ELFN1: variants seen among roughly 807,000 people sequenced by gnomAD.
ELFN1 encodes the protein protein ELFN1.
Under a neutral mutation model 7.6 loss-of-function variants are expected in ELFN1, and 6 were observed. The observed-to-expected ratio is 0.79, with a 90% CI of 0.43 to 1.56. The LOEUF is 1.56. Ranked by LOEUF, ELFN1 falls within the 40% of genes most tolerant of loss-of-function variation. The probability of loss-of-function intolerance (pLI) is 0.01; values close to 1 mark genes in which losing one functional copy is unlikely to be tolerated. For missense variants in ELFN1, 1,169 were observed against 1,232.2 expected, an observed-to-expected ratio of 0.95 and a Z score of 0.77; for synonymous variants, 657 against 588.1, an observed-to-expected ratio of 1.12 and a Z score of -1.70.
intron 2 of ELFN1, among the ~76,000 whole-genome samples, chr7:1,690,935 G>A (rs1779149024): frequency 1.3e-5 from 2 of 152,148 alleles, no homozygotes; most frequent in South Asian, 4.1e-4. Context: ...AATGATGATG[G>A]AAGTAGATAA....
intron 3 of ELFN1, among the ~76,000 whole-genome samples, chr7:1,731,062 G>A (rs917971839): frequency 3.9e-5 from 6 of 152,012 alleles, no homozygotes; most frequent in African/African-American, 7.3e-5. Context: ...CACTTACAAC[G>A]GCACCAATAA....
At position 1,746,579 on chromosome 7, in the gene ELFN1, G is replaced by A; in HGVS notation, c.1983G>A (p.Lys661=). 7.4e-7 allele frequency: 1 copy of A among 1,347,586 alleles called. No homozygotes were observed. Among genetic ancestry groups the A allele is most frequent in the South Asian group, 1.7e-5 (1 of 57,836 alleles). 83.5% of individuals were successfully genotyped at this position (1,347,586 alleles called of 1,614,324 possible). The change falls in exon 4 of 4, where the codon AAG becomes AAA. Residue 661 remains lysine (K), a synonymous_variant. Transcript: ENST00000424383. ...AFRAEAVGVH[K]AAAAEAKYIE... The stretch of plus-strand genomic sequence containing the variant: ...GAGCCGAGGCCGTCGGGGTGCACAA[G>A]GCCGCGGCCGCCGAGGCCAAGTACA...
At chr7:1,669,862 T>G, upstream of ELFN1, among the ~76,000 whole-genome samples, 3 of 124,382 alleles carry the variant, frequency 2.4e-5, no homozygotes, top group South Asian at 8.2e-4. Context: ...TCGCCCCCAC[T>G]CCCCCCACCC....
chr7:1,709,681 G>T (rs765476786), intron 3 of ELFN1, among the ~76,000 whole-genome samples: 1 of 152,270 alleles, frequency 6.6e-6, no homozygotes, highest in Non-Finnish European at 1.5e-5. Context: ...CATAGGTCAC[G>T]TAGGTTAATA....
At chr7:1,696,994 C>T (rs1779329210) in intron 2 of ELFN1, among the ~76,000 whole-genome samples, 1 of 152,228 alleles carries the variant, frequency 6.6e-6, no homozygotes, top group Non-Finnish European at 1.5e-5. Flanking sequence ...GTGGGGCAGG[C>T]TGGGAGGCTT....
chr7:1,685,710 C>T (rs1779050324), intron 1 of ELFN1, among the ~76,000 whole-genome samples: 1 of 150,834 alleles, frequency 6.6e-6, no homozygotes, highest in Admixed American at 6.6e-5. Context: ...TCCTTTTCTT[C>T]AATTCTTTAC....
chr7:1,672,079 T>C (rs1010167985), intron 1 of ELFN1, among the ~76,000 whole-genome samples: 2 of 152,104 alleles, frequency 1.3e-5, no homozygotes, highest in African/African-American at 4.8e-5. Flanking sequence ...GCAGGACTGC[T>C]GTGTGCGTAT....
chr7:1,745,993 T>A lies in ELFN1; in HGVS notation c.1397T>A (p.Ile466Asn). ...AAAAGSLKKTIIELKYGPELE... is the reference protein window; with the variant it reads ...AAAAGSLKKTNIELKYGPELE... The stretch of plus-strand genomic sequence containing the variant: ...GCAGCTGGCAGCCTCAAGAAGACCA[T>A]CATCGAGCTCAAGTACGGGCCAGAG... The change falls in exon 4 of 4, where the codon ATC (isoleucine) becomes AAC (asparagine). Residue 466 changes from isoleucine to asparagine, a missense_variant. By Grantham distance (149) the Ile-to-Asn change is moderately radical. Around this residue, in one of 2 missense-constraint regions of ELFN1, gnomAD observed 914 missense variants for 872.6 expected, o/e 1.05. Coordinates refer to ENST00000424383, the MANE Select transcript of ELFN1 (RefSeq NM_001128636.4). 6.5e-7 allele frequency: 1 copy of A among 1,543,832 alleles called. No homozygotes were observed. The highest frequency in any genetic ancestry group is 8.8e-7 in the Non-Finnish European group (1 of 1,142,580).
chr7:1,680,737 A>ATTT (rs967183963), intron 1 of ELFN1, among the ~76,000 whole-genome samples: 24 of 128,888 alleles, frequency 1.9e-4, no homozygotes, highest in African/African-American at 3.0e-4. Flanking sequence ...TGGATTTACA[A>ATTT]TTTTTTTTTT....
At chr7:1,675,214 C>A (rs1162208568) in intron 1 of ELFN1, among the ~76,000 whole-genome samples, 2 of 152,224 alleles carry the variant, frequency 1.3e-5, no homozygotes, top group Non-Finnish European at 2.9e-5. Context: ...CATCTCTCTG[C>A]TGTCCGCCCC....
Position 1,670,877 on chromosome 7 carries a change from G to C in ELFN1, c.-549+523G>C, listed in dbSNP as rs1031657423. ...CTCCGCGCGGGGACCGTCCAGTCAC[G>C]CACGGGGAGGGGTCACATTCCTCGG... On this transcript the variant is annotated intron_variant, in intron 1 of 3. Coordinates refer to ENST00000424383, the MANE Select transcript of ELFN1 (RefSeq NM_001128636.4). This position sits in a 1 kb window ranked among gnomAD's most constrained non-coding sequence, Gnocchi z 6.4. Among the ~76,000 whole-genome samples the C allele has an allele frequency of 6.7e-6, 1 of 150,040 alleles. No homozygotes were observed. Among genetic ancestry groups the C allele is most frequent in the Non-Finnish European group, 1.5e-5 (1 of 67,372 alleles).
intron 3 of ELFN1, among the ~76,000 whole-genome samples, chr7:1,738,344 CAGGACCCCCTGTGGGTTAGGGTT>C (rs984276762): frequency 3.3e-5 from 5 of 152,178 alleles, no homozygotes; most frequent in Non-Finnish European, 7.3e-5. Flanking sequence ...AGCTGAGATG[CAGGACCCCCTGTGGGTTAGGGTT>C]AGGACCCCCT....
chr7:1,740,534 G>A lies in ELFN1; in HGVS notation c.-293-3770G>A, dbSNP rs1370033832. On this transcript the variant is annotated intron_variant, in intron 3 of 3. Transcript: ENST00000424383. The surrounding 1 kb of genome is among the most constrained non-coding windows in gnomAD (Gnocchi z 5.0). ...GGCACAGGCTGGCGGGGCATCGAGA[G>A]TGACTTGAGTGAGCGAGCCCAGCTG... Among the ~76,000 whole-genome samples the A allele has an allele frequency of 6.6e-6, 1 of 152,212 alleles. No individual in the cohort carries two copies. The highest frequency in any genetic ancestry group is 1.5e-5 in the Non-Finnish European group (1 of 68,036).
intron 2 of ELFN1, chr7:1,694,200 G>C: frequency 4.9e-6 from 1 of 204,546 alleles, no homozygotes; most frequent in South Asian, 9.9e-5. Context: ...AGGAGGCAGG[G>C]AGCCCCCAGG....
chr7:1,697,947 G>T (rs116448328), intron 2 of ELFN1, among the ~76,000 whole-genome samples: 2 of 152,188 alleles, frequency 1.3e-5, no homozygotes, highest in Non-Finnish European at 1.5e-5. Flanking sequence ...GGGCAGTGGG[G>T]CTGGGGCCAG....
chr7:1,706,424 A>AAAAACAAAACAAAACAAAAC (rs57052038), intron 2 of ELFN1, among the ~76,000 whole-genome samples: 1 of 149,110 alleles, frequency 6.7e-6, no homozygotes, highest in Non-Finnish European at 1.5e-5. Context: ...TCTGTCTCAA[A>AAAAACAAAACAAAACAAAAC]AAAACAAAAC....
Position 1,747,489 on chromosome 7 carries a change from T to C in ELFN1, c.*406T>C, listed in dbSNP as rs1780840067. On this transcript the variant is annotated 3_prime_UTR_variant, in exon 4 of 4. Coordinates refer to ENST00000424383, the MANE Select transcript of ELFN1 (RefSeq NM_001128636.4). ...TTAAAAAAATATAATAAAAGACAAGTTATTTTAAAAAGACATAAAATGCCA... is the reference window on the plus strand; with the variant it reads ...TTAAAAAAATATAATAAAAGACAAGCTATTTTAAAAAGACATAAAATGCCA... 2 of 167,298 alleles carry C rather than the reference T, an allele frequency of 1.2e-5. No individual in the cohort carries two copies. Among genetic ancestry groups the C allele is most frequent in the Admixed American group, 1.3e-4 (2 of 15,334 alleles). The allele number at this position is 167,298 out of a possible 1,614,324, so 10.4% of individuals were successfully genotyped here.
chr7:1,720,802 T>C (rs1303299154), intron 3 of ELFN1, among the ~76,000 whole-genome samples: 1 of 140,004 alleles, frequency 7.1e-6, no homozygotes, highest in Admixed American at 7.8e-5. Context: ...TTATGTAACA[T>C]AGAACATCAC....
In ELFN1 at chr7:1,746,330, C is replaced by T. The variant is rs759437441; in HGVS notation, c.1734C>T (p.Ser578=). The change falls in exon 4 of 4, where the codon TCC becomes TCT. Residue 578 remains serine, a synonymous_variant. Coordinates refer to ENST00000424383, the MANE Select transcript of ELFN1 (RefSeq NM_001128636.4). ...ACAACTGCATCGACGCGCTCAAGTC[C>T]GAGTCCACCTCCTTCCAGGGCGTCA... is the stretch of plus-strand genomic sequence containing the variant. ...IINNCIDALK[S]ESTSFQGVKS... 57 of 1,552,056 alleles carry T rather than the reference C, an allele frequency of 3.7e-5. No homozygotes were observed. Among genetic ancestry groups the T allele is most frequent in the East Asian group, 1.5e-4 (6 of 41,092 alleles).
Sources: allele counts gnomAD v4.1 joint callset (sites outside exome capture counted in the v4.1 genomes callset), GRCh38; gene constraint gnomAD v4.1.1; regional missense constraint gnomAD v4.1.1; non-coding constraint Gnocchi (gnomAD v3.1); transcripts MANE v1.5; gene names NCBI Gene and HGNC (gene_info 2026-07-23, HGNC 2026-07-21).